The following JAKMIP1 variants were observed in gnomAD, a reference collection of about 807,000 sequenced individuals.
The protein encoded by JAKMIP1 is janus kinase and microtubule interacting protein 1, also known as janus kinase and microtubule-interacting protein 1.
In JAKMIP1, 33 loss-of-function variants were observed where a neutral mutation model predicts 113.0. The ratio of observed to expected loss-of-function variants is 0.29; its 90% confidence interval spans 0.22 to 0.39. JAKMIP1 has a LOEUF of 0.39. JAKMIP1 is among the 10% of genes least tolerant of loss of function. The probability of loss-of-function intolerance (pLI) is 1.00; values close to 1 mark genes in which losing one functional copy is unlikely to be tolerated. For synonymous variants in JAKMIP1, 480 were observed against 459.9 expected (o/e 1.04, Z -0.56); for missense variants, 813 against 1,080.5 (o/e 0.75, Z 3.47).
rs1425058886 is a variant in JAKMIP1, at chr4:6,081,657, C to T, written c.1053G>A (p.Gln351=). The T allele has an allele frequency of 2.5e-6, 4 of 1,614,108 alleles. No individual in the cohort carries two copies. Among genetic ancestry groups the T allele is most frequent in the Non-Finnish European group, 3.4e-6 (4 of 1,180,046 alleles). ...KKNEDLLQSI[Q]RMEEKIKNLT... is the part of the protein sequence containing the mutation. ...GGTTCTTGATTTTCTCCTCCATCCT[C>T]TGGATACTCTGCAACAGATCCTCAT... Residue 351 remains glutamine (Q), a synonymous_variant, in exon 6 of 21, where the codon CAG becomes CAA. Transcript: ENST00000409021. This position sits in a 1 kb window ranked among gnomAD's most constrained non-coding sequence, Gnocchi z 4.6.
At chr4:6,196,679 T>C (rs148186341) in intron 1 of JAKMIP1, among the ~76,000 whole-genome samples, 1 of 152,074 alleles carries the variant, frequency 6.6e-6, no homozygotes, top group Non-Finnish European at 1.5e-5. Flanking sequence ...GTTAACATGG[T>C]GAAACCCTGT....
At chr4:6,169,603 T>TG (rs201784962) in intron 1 of JAKMIP1, among the ~76,000 whole-genome samples, 5,688 of 137,338 alleles carry the variant, frequency 0.041, 236 homozygotes, top group African/African-American at 0.12. Flanking sequence ...CCCTAGGAAA[T>TG]TGTGTGTGTG....
intron 1 of JAKMIP1, among the ~76,000 whole-genome samples, chr4:6,120,948 C>G (rs948211923): frequency 2.0e-5 from 3 of 152,118 alleles, no homozygotes; most frequent in Admixed American, 2.0e-4. Flanking sequence ...ACCTGTAATC[C>G]CAGCACTTTG....
In JAKMIP1 at chr4:6,081,503, G is replaced by A. The variant is rs866455364; in HGVS notation, c.1101+106C>T. ...TGTGCCTGGTGCTTTGTGGGGAGGT[G>A]GGCAGCAGGTGCGCCCCAGAACATG... On this transcript the variant is annotated intron_variant, in intron 6 of 20. Coordinates refer to ENST00000409021, the MANE Select transcript of JAKMIP1 (RefSeq NM_001099433.2). This position sits in a 1 kb window ranked among gnomAD's most constrained non-coding sequence, Gnocchi z 4.6. 2 of 1,267,780 alleles carry A rather than the reference G, an allele frequency of 1.6e-6. No individual in the cohort carries two copies. Among genetic ancestry groups the A allele is most frequent in the Middle Eastern group, 2.3e-4 (1 of 4,362 alleles). The allele number at this position is 1,267,780 out of a possible 1,614,324, so 78.5% of individuals were successfully genotyped here.
intron 3 of JAKMIP1, among the ~76,000 whole-genome samples, chr4:6,102,997 A>T (rs1713329370): frequency 6.6e-6 from 1 of 151,746 alleles, no homozygotes; most frequent in East Asian, 1.9e-4. Flanking sequence ...CCTCCCAATG[A>T]AACTTTTATT....
intron 8 of JAKMIP1, 109 bp downstream of exon 8, chr4:6,078,830 G>A (rs111442600): frequency 2.1e-6 from 2 of 949,524 alleles, no homozygotes; most frequent in Non-Finnish European, 3.4e-6. Flanking sequence ...AGAGATGTGT[G>A]TGTCTGCTTC....
chr4:6,116,817 T>C lies in JAKMIP1; in HGVS notation c.-147-3820A>G, dbSNP rs1715858308. On this transcript the variant is annotated intron_variant, in intron 1 of 20. Coordinates refer to ENST00000409021, the MANE Select transcript of JAKMIP1 (RefSeq NM_001099433.2). This position sits in a 1 kb window ranked among gnomAD's most constrained non-coding sequence, Gnocchi z 5.1. The stretch of plus-strand genomic sequence containing the variant: ...TACATAAAACAATGATGGCTTGTGG[T>C]AGGTGCTGGAAAGAACAAGTCTACA... Among the ~76,000 whole-genome samples, 4 of 152,166 alleles carry C rather than the reference T, an allele frequency of 2.6e-5. No homozygotes were observed. The highest frequency in any genetic ancestry group is 2.6e-4 in the Admixed American group (4 of 15,286).
At chr4:6,163,400 A>G (rs1216543779) in intron 1 of JAKMIP1, among the ~76,000 whole-genome samples, 2 of 152,174 alleles carry the variant, frequency 1.3e-5, no homozygotes, top group African/African-American at 4.8e-5. Context: ...TAGGGACATC[A>G]TGAACCATGC....
rs929913644 is a variant in JAKMIP1, at chr4:6,138,784, C to G, written c.-147-25787G>C. ...TAGCTGTTTGTCCTGGGGCAGGTGC[C>G]TTGTCCTCCCTGAGCTTCAGTTTCC... On this transcript the variant is annotated intron_variant, in intron 1 of 20. Coordinates refer to ENST00000409021, the MANE Select transcript of JAKMIP1 (RefSeq NM_001099433.2). The surrounding 1 kb of genome is among the most constrained non-coding windows in gnomAD (Gnocchi z 6.0). Among the ~76,000 whole-genome samples, 1 of 152,122 alleles carries G rather than the reference C, an allele frequency of 6.6e-6. No homozygotes were observed. Among genetic ancestry groups the G allele is most frequent in the Non-Finnish European group, 1.5e-5 (1 of 68,040 alleles).
chr4:6,136,812 C>T lies in JAKMIP1; in HGVS notation c.-147-23815G>A, dbSNP rs1015698117. ...GGGTCCTGACTACACAGAAAGCCCT[C>T]GAGAACCACTGGCAGAAAGCAAAAA... is the stretch of plus-strand genomic sequence containing the variant. On this transcript the variant is annotated intron_variant, in intron 1 of 20. Coordinates refer to ENST00000409021, the MANE Select transcript of JAKMIP1 (RefSeq NM_001099433.2). The surrounding 1 kb of genome is among the most constrained non-coding windows in gnomAD (Gnocchi z 5.9). Among the ~76,000 whole-genome samples the T allele has an allele frequency of 6.6e-5, 10 of 152,194 alleles. No individual in the cohort carries two copies. Among genetic ancestry groups the T allele is most frequent in the African/African-American group, 1.2e-4 (5 of 41,444 alleles).
Position 6,076,231 on chromosome 4 carries a change from T to C in JAKMIP1, c.1302+2708A>G, listed in dbSNP as rs908942754. On this transcript the variant is annotated intron_variant, in intron 8 of 20. Coordinates refer to ENST00000409021, the MANE Select transcript of JAKMIP1 (RefSeq NM_001099433.2). The surrounding 1 kb of genome is among the most constrained non-coding windows in gnomAD (Gnocchi z 4.8). Reference sequence around the variant, plus strand: ...AAATAAACAAACAAACAAATAAATATAGACAAGTTCTACTCAAACCACTTC... The same window carrying C: ...AAATAAACAAACAAACAAATAAATACAGACAAGTTCTACTCAAACCACTTC... 2.6e-5 allele frequency among the ~76,000 whole-genome samples: 4 copies of C among 152,060 alleles called. No homozygotes were observed. The highest frequency in any genetic ancestry group is 6.6e-5 in the Admixed American group (1 of 15,242).
At chr4:6,110,767 T>C (rs1263300787) in intron 2 of JAKMIP1, among the ~76,000 whole-genome samples, 1 of 150,210 alleles carries the variant, frequency 6.7e-6, no homozygotes, top group Non-Finnish European at 1.5e-5. Context: ...TTATAAGACC[T>C]CAGGCAGGGG....
At chr4:6,062,767 A>G (rs572948621) in intron 9 of JAKMIP1, among the ~76,000 whole-genome samples, 1 of 152,328 alleles carries the variant, frequency 6.6e-6, no homozygotes, top group South Asian at 2.1e-4. Flanking sequence ...GGCTGGTACC[A>G]TGGAACCAGC....
chr4:6,159,900 G>A (rs1722697418), intron 1 of JAKMIP1, among the ~76,000 whole-genome samples: 4 of 152,152 alleles, frequency 2.6e-5, no homozygotes, highest in Admixed American at 2.6e-4. Flanking sequence ...CCTCAGAGAT[G>A]TTCATCATAC....
In JAKMIP1 at chr4:6,085,601, A is replaced by G; in HGVS notation, c.653T>C (p.Val218Ala). ...LMDEIKGKDR[V>A]ILALEKELGV... Reference sequence around the variant, plus strand: ...AAGTTCCTTCTCCAAGGCCAGAATCACACGGTCTTTCCCTTTGATCTCATC... The same window carrying G: ...AAGTTCCTTCTCCAAGGCCAGAATCGCACGGTCTTTCCCTTTGATCTCATC... The change falls in exon 4 of 21, where the codon GTG becomes GCG. Residue 218 changes from valine (V) to alanine (A), a missense_variant. This residue lies in a region of JAKMIP1 where 540 missense variants were observed against 653.9 expected (regional missense o/e 0.83). Coordinates refer to ENST00000409021, the MANE Select transcript of JAKMIP1 (RefSeq NM_001099433.2). The G allele has an allele frequency of 1.9e-6, 3 of 1,614,170 alleles. No homozygotes were observed. The highest frequency in any genetic ancestry group is 2.5e-6 in the Non-Finnish European group (3 of 1,180,042).
Position 6,064,713 on chromosome 4 carries a change from C to G in JAKMIP1, c.1431+167G>C, listed in dbSNP as rs79239911. ...ATTCATGGAGCCCACAGCTGTGGGG[C>G]CCGCCTTCCCTTCACACCATTGGCT... is the stretch of plus-strand genomic sequence containing the variant. On this transcript the variant is annotated intron_variant, in intron 9 of 20. Coordinates refer to ENST00000409021, the MANE Select transcript of JAKMIP1 (RefSeq NM_001099433.2). This position sits in a 1 kb window ranked among gnomAD's most constrained non-coding sequence, Gnocchi z 4.3. Among the ~76,000 whole-genome samples the G allele has an allele frequency of 0.071, 10,824 of 152,094 alleles. 556 individuals carry two copies. The highest frequency in any genetic ancestry group is 0.14 in the African/African-American group (5,611 of 41,454).
chr4:6,036,935 TAGAGGCTAACCGGTATCCCTCCATCACC>T lies in JAKMIP1; in HGVS notation c.2176-856_2176-829del, dbSNP rs1560629330. On this transcript the variant is annotated intron_variant, in intron 18 of 20. Transcript: ENST00000409021. ...AACCATTAGCCCTCCATCACCGAGGTAGAGGCTAACCGGTATCCCTCCATCACCGAGGCAGAGGCTAACCAGTATCCCT... is the reference window on the plus strand; with the variant it reads ...AACCATTAGCCCTCCATCACCGAGGTGAGGCAGAGGCTAACCAGTATCCCT... 5.5e-3 allele frequency among the ~76,000 whole-genome samples: 660 copies of T among 120,364 alleles called. 10 individuals carry two copies. Among genetic ancestry groups the T allele is most frequent in the Non-Finnish European group, 8.7e-3 (515 of 59,390 alleles). The allele number at this position is 120,364 out of a possible 152,430, so 79.0% of individuals were successfully genotyped here.
rs1236867037 is a variant in JAKMIP1 at position 6,108,616 on chromosome 4, C to G, written c.130-2649G>C. Reference sequence around the variant, plus strand: ...GGCCTGGCCACTTCCCCACTTCCCCCTTGCCCAAGCCACCTGCAGCAGCCC... The same window carrying G: ...GGCCTGGCCACTTCCCCACTTCCCCGTTGCCCAAGCCACCTGCAGCAGCCC... On this transcript the variant is annotated intron_variant, in intron 2 of 20. Transcript: ENST00000409021. This position sits in a 1 kb window ranked among gnomAD's most constrained non-coding sequence, Gnocchi z 5.6. Among the ~76,000 whole-genome samples the G allele has an allele frequency of 6.6e-6, 1 of 152,178 alleles. No homozygotes were observed. The highest frequency in any genetic ancestry group is 2.4e-5 in the African/African-American group (1 of 41,448).
intron 1 of JAKMIP1, among the ~76,000 whole-genome samples, chr4:6,191,754 C>G (rs1265002384): frequency 1.3e-5 from 2 of 152,088 alleles, no homozygotes; most frequent in Non-Finnish European, 2.9e-5. Context: ...TTTCACTAGC[C>G]ACATTTTAAA....
Sources: gnomAD v4.1 joint callset for allele counts (sites outside exome capture counted in the v4.1 genomes callset) on GRCh38, gnomAD v4.1.1 for gene constraint, gnomAD v4.1.1 regional missense constraint, Gnocchi (gnomAD v3.1) non-coding constraint, MANE v1.5 for transcripts, NCBI Gene and HGNC (gene_info 2026-07-23, HGNC 2026-07-21) for gene names.